The following TTC6 variants were observed in gnomAD, a reference collection of about 807,000 sequenced individuals.
TTC6 encodes the protein tetratricopeptide repeat protein 6.
A neutral mutation model predicts 210.4 loss-of-function variants in TTC6; 172 were observed. The observed-to-expected ratio is 0.82, with a 90% CI of 0.72 to 0.93. The LOEUF is 0.93. Ranked by LOEUF, TTC6 falls within the 40% of genes least tolerant of loss-of-function variation. The pLI is 0.00. For synonymous variants in TTC6, 804 were observed against 819.6 expected, an observed-to-expected ratio of 0.98 and a Z score of 0.32; for missense variants, 2,414 against 2,318.1, an observed-to-expected ratio of 1.04 and a Z score of -0.85.
intron 1 of TTC6, among the ~76,000 whole-genome samples, chr14:37,601,910 C>T (rs116062332): frequency 7.0e-4 from 106 of 152,258 alleles, no homozygotes; most frequent in African/African-American, 2.5e-3. Context: ...TGAAGAACCC[C>T]ACGAATTTTC....
At chr14:37,631,448 C>T (rs1566851666) in intron 1 of TTC6, among the ~76,000 whole-genome samples, 1 of 152,204 alleles carries the variant, frequency 6.6e-6, no homozygotes, top group African/African-American at 2.4e-5. Context: ...TCCCCACTCT[C>T]TTCTGGCTTG....
intron 14 of TTC6, among the ~76,000 whole-genome samples, chr14:37,759,469 G>A (rs182529935): frequency 1.6e-4 from 25 of 151,986 alleles, no homozygotes; most frequent in Middle Eastern, 3.4e-3. Flanking sequence ...AGAATTTGAC[G>A]ATTATGTTTC....
At chr14:37,801,191 A>G (rs2096105803) in intron 20 of TTC6, among the ~76,000 whole-genome samples, 1 of 152,216 alleles carries the variant, frequency 6.6e-6, no homozygotes, top group South Asian at 2.1e-4. Context: ...CTTTAATTTC[A>G]CAAGTCCACA....
At chr14:37,725,472 T>C (rs71407724) in intron 7 of TTC6, among the ~76,000 whole-genome samples, 8,584 of 150,862 alleles carry the variant, frequency 0.057, 376 homozygotes, top group Non-Finnish European at 0.089. Context: ...TGCCTCAGCC[T>C]CCTGAGTAGC....
At chr14:37,707,055 T>C (rs2095836911) in intron 5 of TTC6, among the ~76,000 whole-genome samples, 1 of 152,106 alleles carries the variant, frequency 6.6e-6, no homozygotes. Flanking sequence ...TCTGTCAGCA[T>C]TTGCCTATGT....
At chr14:37,682,170 G>C (rs952997976) in intron 2 of TTC6, among the ~76,000 whole-genome samples, 20 of 144,372 alleles carry the variant, frequency 1.4e-4, no homozygotes, top group African/African-American at 4.8e-4. Flanking sequence ...TTTTTTTTTG[G>C]TTGGGCATAG....
chr14:37,741,170 C>G (rs767665714), intron 10 of TTC6, among the ~76,000 whole-genome samples: 5 of 151,280 alleles, frequency 3.3e-5, no homozygotes, highest in Non-Finnish European at 7.4e-5. Flanking sequence ...TTAATTCAAA[C>G]TAATTCACCA....
chr14:37,714,552 A>G (rs1019904071), intron 5 of TTC6, 103 bp from the exon 8 acceptor site: 3 of 870,498 alleles, frequency 3.4e-6, no homozygotes, highest in Non-Finnish European at 5.0e-6. Context: ...GCAGATGTCA[A>G]ATGTCCATGT....
intron 27 of TTC6, 47 bp from the exon 30 acceptor site, chr14:37,826,148 A>G: frequency 6.5e-7 from 1 of 1,532,036 alleles, no homozygotes; most frequent in South Asian, 1.3e-5. Flanking sequence ...AACGTTTGTC[A>G]TGTTATGGAG....
intron 25 of TTC6, among the ~76,000 whole-genome samples, chr14:37,817,082 C>T (rs2096143751): frequency 6.6e-6 from 1 of 152,138 alleles, no homozygotes; most frequent in African/African-American, 2.4e-5. Context: ...AGTGTGGATT[C>T]CAAAGGCAGG....
rs771741099 is a variant in TTC6, at chr14:37,751,035, C to G, written c.2957-18C>G. On this transcript the variant is annotated intron_variant, in intron 12 of 30. Coordinates refer to ENST00000553443, the Ensembl canonical transcript of TTC6. Reference sequence around the variant, plus strand: ...AAAGGATTATAACTCCAAATTTTATCTTTTTAATTTTCTTTAGAGGCATAT... The same window carrying G: ...AAAGGATTATAACTCCAAATTTTATGTTTTTAATTTTCTTTAGAGGCATAT... 6.0e-5 allele frequency: 89 copies of G among 1,485,106 alleles called. No homozygotes were observed. The highest frequency in any genetic ancestry group is 7.8e-5 in the Non-Finnish European group (87 of 1,115,224). 92.0% of individuals were successfully genotyped at this position (1,485,106 alleles called of 1,614,324 possible).
intron 25 of TTC6, among the ~76,000 whole-genome samples, chr14:37,815,786 A>G (rs2096140071): frequency 6.6e-6 from 1 of 152,136 alleles, no homozygotes; most frequent in African/African-American, 2.4e-5. Context: ...AAAAATTATA[A>G]TATTAAATAA....
chr14:37,668,077 G>A (rs2095751632), intron 1 of TTC6, among the ~76,000 whole-genome samples: 1 of 149,924 alleles, frequency 6.7e-6, no homozygotes, highest in African/African-American at 2.4e-5. Flanking sequence ...AGAGGTTGCA[G>A]TGAGCTGAGA....
intron 29 of TTC6, among the ~76,000 whole-genome samples, chr14:37,838,767 G>T (rs2096203528): frequency 6.6e-6 from 1 of 151,982 alleles, no homozygotes; most frequent in South Asian, 2.1e-4. Context: ...GTGCCATGTG[G>T]GTTTGCTACA....
intron 4 of TTC6, among the ~76,000 whole-genome samples, chr14:37,697,120 A>G (rs903451864): frequency 1.3e-5 from 2 of 152,134 alleles, no homozygotes; most frequent in African/African-American, 4.8e-5. Context: ...AAATGTTAGC[A>G]TGTTAGATTT....
intron 1 of TTC6, among the ~76,000 whole-genome samples, chr14:37,639,604 C>T (rs760714566): frequency 1.3e-5 from 2 of 151,320 alleles, no homozygotes; most frequent in African/African-American, 4.9e-5. Context: ...GGTGCGGTGG[C>T]TCATGCCTGT....
upstream of TTC6, among the ~76,000 whole-genome samples, chr14:37,619,521 T>C (rs1007307612): frequency 4.6e-5 from 7 of 152,332 alleles, no homozygotes; most frequent in Admixed American, 6.5e-5. Flanking sequence ...ATGGATTTAT[T>C]TGGGTACATG....
chr14:37,643,487 GT>G (rs1160205295), intron 1 of TTC6, among the ~76,000 whole-genome samples: 2 of 152,176 alleles, frequency 1.3e-5, no homozygotes, highest in African/African-American at 4.8e-5. Flanking sequence ...TGCTTTGGAT[GT>G]TATTTAAGGA....
chr14:37,817,527 G>T, intron 25 of TTC6, 51 bp from the exon 28 acceptor site: 1 of 1,543,308 alleles, frequency 6.5e-7, no homozygotes, highest in Non-Finnish European at 8.9e-7. Flanking sequence ...GTTTAAGATA[G>T]CACATAAAAT....
Sources: allele counts gnomAD v4.1 joint callset (sites outside exome capture counted in the v4.1 genomes callset), GRCh38; gene constraint gnomAD v4.1.1; transcripts MANE v1.5; gene names NCBI Gene and HGNC (gene_info 2026-07-23, HGNC 2026-07-21).